ARSG: variants seen among roughly 807,000 people sequenced by gnomAD.
ARSG encodes the protein ASG.
In ARSG, 37 loss-of-function variants were observed where a neutral mutation model predicts 50.5. The ratio of observed to expected loss-of-function variants is 0.73; its 90% confidence interval spans 0.56 to 0.96. ARSG has a LOEUF of 0.96. Among genes scored for constraint, ARSG ranks in the 50% least tolerant of loss-of-function variants. The probability of loss-of-function intolerance (pLI) is 0.00; values close to 1 mark genes in which losing one functional copy is unlikely to be tolerated. For synonymous variants in ARSG, 225 were observed against 254.6 expected (o/e 0.88, Z 1.11); for missense variants, 629 against 675.3 (o/e 0.93, Z 0.76).
At chr17:68,372,308 C>T (rs933120479) in intron 8 of ARSG, among the ~76,000 whole-genome samples, 7 of 151,696 alleles carry the variant, frequency 4.6e-5, no homozygotes, top group South Asian at 2.1e-4. Flanking sequence ...ATCGATCGAT[C>T]GAAACACCAA....
rs781372500 is a variant in ARSG at position 68,401,426 on chromosome 17, C to T, written c.1279C>T (p.Arg427Cys). The T allele has an allele frequency of 1.5e-5, 25 of 1,613,910 alleles. No individual in the cohort carries two copies. The East Asian group carries it at 4.0e-4, about 26-fold the overall frequency. Residue 427 changes from arginine to cysteine, a missense_variant, in exon 11 of 12, where the codon CGT becomes TGT. Transcript: ENST00000621439. ...AGCCCTGCAGACTGTCCGCCTGGAG[C>T]GTTACAAGGCCTTCTACATTACCGG... ...FGALQTVRLERYKAFYITGGA... is the reference protein window; with the variant it reads ...FGALQTVRLECYKAFYITGGA...
rs201996676 is a variant in ARSG at position 68,271,315 on chromosome 17, G to A, written c.-552+11889G>A. 14 of 1,614,196 alleles carry A rather than the reference G, an allele frequency of 8.7e-6. No homozygotes were observed. The highest frequency in any genetic ancestry group is 2.2e-5 in the South Asian group (2 of 91,084). On this transcript the variant is annotated intron_variant, in intron 1 of 11. Coordinates refer to the ARSG transcript ENST00000448504. The surrounding 1 kb of genome is among the most constrained non-coding windows in gnomAD (Gnocchi z 5.3). ...TTTCAAAATGGAGAAGTCTAATAGC[G>A]GGGCTTTCTTTTCGCTTGGCCTGGG...
intron 2 of ARSG, among the ~76,000 whole-genome samples, chr17:68,328,308 T>C (rs1568473312): frequency 1.3e-5 from 2 of 152,168 alleles, no homozygotes; most frequent in African/African-American, 4.8e-5. Flanking sequence ...AATTACTTTA[T>C]GTACATCACC....
chr17:68,356,828 AG>A (rs2079056313), intron 6 of ARSG, 24 bp downstream of exon 6: 1 of 1,613,756 alleles, frequency 6.2e-7, no homozygotes, highest in Non-Finnish European at 8.5e-7. Context: ...CTCCCTCCGC[AG>A]GGCCTCCCCC....
At position 68,420,370 on chromosome 17, in the gene ARSG, C is replaced by A; in HGVS notation, c.1485C>A (p.Asn495Lys). 6.2e-7 allele frequency: 1 copy of A among 1,614,116 alleles called. No individual in the cohort carries two copies. The highest frequency in any genetic ancestry group is 8.5e-7 in the Non-Finnish European group (1 of 1,180,022). Residue 495 changes from asparagine (N) to lysine (K), a missense_variant, in exon 12 of 12, where the codon AAC (asparagine) becomes AAA (lysine). Physicochemically the swap from Asn to Lys is moderately conservative, Grantham distance 94. Coordinates refer to ENST00000621439, the MANE Select transcript of ARSG (RefSeq NM_001267727.2). ...CAGACGTCCTCCAAGACATTGCCAA[C>A]GACAACATCTCCAGCGCAGATTACA... ...VLADVLQDIA[N>K]DNISSADYTQ... is the part of the protein sequence containing the mutation.
chr17:68,332,503 G>A (rs985089528), intron 2 of ARSG, among the ~76,000 whole-genome samples: 2 of 152,156 alleles, frequency 1.3e-5, no homozygotes, highest in African/African-American at 4.8e-5. Context: ...AATCACAAGA[G>A]TATTGATTGG....
At chr17:68,278,977 C>CAT (rs1214994865) in intron 1 of ARSG, among the ~76,000 whole-genome samples, 3 of 152,038 alleles carry the variant, frequency 2.0e-5, no homozygotes, top group Non-Finnish European at 4.4e-5. Flanking sequence ...TACTTTTATG[C>CAT]ATATATATGT....
At chr17:68,449,408 T>C in the ARSG span, among the ~76,000 whole-genome samples, 73 of 152,308 alleles carry the variant, frequency 4.8e-4, 1 homozygote, top group African/African-American at 1.6e-3. Flanking sequence ...GGAGGATCCT[T>C]GAGCCCAGGA....
At chr17:68,412,778 T>C (rs1406366204) in intron 11 of ARSG, among the ~76,000 whole-genome samples, 4 of 152,014 alleles carry the variant, frequency 2.6e-5, no homozygotes, top group South Asian at 2.1e-4. Flanking sequence ...TAGATTTGGT[T>C]TTTTCACATA....
intron 2 of ARSG, among the ~76,000 whole-genome samples, chr17:68,317,580 A>G (rs1031247782): frequency 6.6e-6 from 1 of 151,738 alleles, no homozygotes; most frequent in Admixed American, 6.6e-5. Context: ...TCATGTATGC[A>G]CCGCAAGGCC....
Position 68,343,684 on chromosome 17 carries a change from A to G in ARSG, c.299A>G (p.Asn100Ser), listed in dbSNP as rs1025835584. The G allele has an allele frequency of 1.9e-6, 3 of 1,614,100 alleles. No individual in the cohort carries two copies. Among genetic ancestry groups the G allele is most frequent in the African/African-American group, 1.3e-5 (1 of 75,022 alleles). The change falls in exon 3 of 12, where the codon AAT becomes AGT. Residue 100 changes from asparagine (N) to serine (S), a missense_variant. Transcript: ENST00000621439. ...CTCACCGGCCGGCTTGGCCTTCGCA[A>G]TGGAGTCACACGCAACTTTGCAGTC... is the stretch of plus-strand genomic sequence containing the variant. ...SLLTGRLGLR[N>S]GVTRNFAVTS...
chr17:68,440,928 G>A, the ARSG span: 1 of 152,212 alleles, frequency 6.6e-6, no homozygotes, highest in Non-Finnish European at 1.5e-5. Flanking sequence ...TCTTTGTACA[G>A]CAAATGCCCT....
chr17:68,269,758 C>G (rs1433690826), intron 1 of ARSG, among the ~76,000 whole-genome samples: 1 of 143,162 alleles, frequency 7.0e-6, no homozygotes, highest in Non-Finnish European at 1.5e-5. Context: ...ACTGCAACCT[C>G]TGCCTCCCAG....
At chr17:68,451,412 C>T in the ARSG span, among the ~76,000 whole-genome samples, 3 of 152,106 alleles carry the variant, frequency 2.0e-5, no homozygotes, top group East Asian at 3.9e-4. Context: ...CCAGCCTGGG[C>T]GACAAGCAAG....
chr17:68,380,488 C>T (rs12450071), intron 8 of ARSG, among the ~76,000 whole-genome samples: 10,678 of 152,124 alleles, frequency 0.07, 513 homozygotes, highest in Admixed American at 0.14. Context: ...AGTCTGGTCT[C>T]GGACTCCTGG....
chr17:68,292,095 G>A (rs1248519352), intron 1 of ARSG, among the ~76,000 whole-genome samples: 3 of 151,902 alleles, frequency 2.0e-5, no homozygotes, highest in Admixed American at 2.0e-4. Context: ...GGGCCCCAGG[G>A]AGCGAGCGGC....
intron 1 of ARSG, among the ~76,000 whole-genome samples, chr17:68,270,344 A>C (rs1427760410): frequency 6.6e-6 from 1 of 152,130 alleles, no homozygotes; most frequent in Non-Finnish European, 1.5e-5. Flanking sequence ...TCACGAGGTC[A>C]AGAGATTGAG....
chr17:68,298,704 T>A (rs1190430972), intron 1 of ARSG, among the ~76,000 whole-genome samples: 2 of 152,056 alleles, frequency 1.3e-5, no homozygotes, highest in Non-Finnish European at 2.9e-5. Flanking sequence ...TTCTGGAGGC[T>A]GGCCAGTTTG....
At chr17:68,331,902 G>A (rs367838466) in intron 2 of ARSG, among the ~76,000 whole-genome samples, 9 of 152,164 alleles carry the variant, frequency 5.9e-5, no homozygotes, top group African/African-American at 2.2e-4. Context: ...CATGCTTCAC[G>A]AGGTAATAGA....
Sources: gnomAD v4.1 joint callset for allele counts (sites outside exome capture counted in the v4.1 genomes callset) on GRCh38, gnomAD v4.1.1 for gene constraint, Gnocchi (gnomAD v3.1) non-coding constraint, MANE v1.5 for transcripts, NCBI Gene and HGNC (gene_info 2026-07-23, HGNC 2026-07-21) for gene names.